Variants in NKAIN2 observed in about 807,000 individuals in gnomAD.
The protein encoded by NKAIN2 is sodium/potassium transporting ATPase interacting 2.
NKAIN2 carries 14 observed loss-of-function variants against 32.6 expected under a neutral mutation model. That is an observed-to-expected ratio of 0.43 (90% CI 0.28 to 0.67). The LOEUF (loss-of-function observed/expected upper bound fraction) is 0.67, where lower values mean the gene tolerates loss of function less well. Ranked by LOEUF, NKAIN2 falls within the 30% of genes least tolerant of loss-of-function variation. The probability of loss-of-function intolerance (pLI) is 0.17; values close to 1 mark genes in which losing one functional copy is unlikely to be tolerated. For missense variants in NKAIN2, 198 were observed against 258.3 expected (o/e 0.77, Z 1.60); for synonymous variants, 80 against 87.2 (o/e 0.92, Z 0.46).
At position 124,546,908 on chromosome 6, in the gene NKAIN2, A is replaced by G. The variant is rs533199669; in HGVS notation, c.274-111278A>G. Among the ~76,000 whole-genome samples the G allele has an allele frequency of 2.6e-5, 4 of 152,340 alleles. No homozygotes were observed. The South Asian group carries it at 8.3e-4, about 32-fold the overall frequency. ...GCCCATTACAAAAGTGTCTGAAAAC[A>G]TGTTCTCAGCATCACAGTCCTGATA... On this transcript the variant is annotated intron_variant, in intron 3 of 6. Coordinates refer to ENST00000368417, the MANE Select transcript of NKAIN2 (RefSeq NM_001040214.3).
intron 4 of NKAIN2, among the ~76,000 whole-genome samples, chr6:124,712,401 G>A (rs1775536149): frequency 8.6e-6 from 1 of 116,344 alleles, no homozygotes; most frequent in Non-Finnish European, 1.8e-5. Flanking sequence ...GCAATGGCGG[G>A]CGCCCCTCCC....
At chr6:124,498,074 G>A (rs1178110715) in intron 3 of NKAIN2, among the ~76,000 whole-genome samples, 1 of 152,112 alleles carries the variant, frequency 6.6e-6, no homozygotes, top group Non-Finnish European at 1.5e-5. Flanking sequence ...GAAGAACAGG[G>A]TGAGTAATAC....
intron 1 of NKAIN2, among the ~76,000 whole-genome samples, chr6:123,963,874 T>C (rs1374166482): frequency 6.6e-6 from 1 of 152,188 alleles, no homozygotes; most frequent in East Asian, 1.9e-4. Context: ...ATATTATGTG[T>C]GGTCGCTACA....
intron 4 of NKAIN2, among the ~76,000 whole-genome samples, chr6:124,691,875 A>G (rs967911729): frequency 7.2e-5 from 11 of 152,198 alleles, no homozygotes; most frequent in Admixed American, 3.9e-4. Context: ...ATACTTTACA[A>G]TATAGTTTTT....
chr6:124,312,134 C>A (rs1796744320), intron 2 of NKAIN2, among the ~76,000 whole-genome samples: 1 of 152,148 alleles, frequency 6.6e-6, no homozygotes, highest in African/African-American at 2.4e-5. Context: ...TAACTCAATG[C>A]TATGCTATGG....
intron 3 of NKAIN2, among the ~76,000 whole-genome samples, chr6:124,503,627 C>G (rs1434526147): frequency 6.6e-6 from 1 of 152,058 alleles, no homozygotes; most frequent in Non-Finnish European, 1.5e-5. Flanking sequence ...TTCTGTTTCT[C>G]TCTTCAAAGA....
chr6:124,113,072 C>T (rs1785456499), intron 1 of NKAIN2, among the ~76,000 whole-genome samples: 1 of 151,946 alleles, frequency 6.6e-6, no homozygotes, highest in Non-Finnish European at 1.5e-5. Flanking sequence ...TAGTCGGATT[C>T]TTCATTTTTC....
At chr6:123,914,773 G>T (rs1006419725) in intron 1 of NKAIN2, among the ~76,000 whole-genome samples, 1 of 152,144 alleles carries the variant, frequency 6.6e-6, no homozygotes, top group Non-Finnish European at 1.5e-5. Context: ...TTATGATACG[G>T]ATAAGAGATG....
At chr6:124,306,453 G>T (rs551199770) in intron 2 of NKAIN2, among the ~76,000 whole-genome samples, 1 of 152,170 alleles carries the variant, frequency 6.6e-6, no homozygotes, top group East Asian at 1.9e-4. Context: ...AACTTCTTAT[G>T]CATAAACTAG....
intron 2 of NKAIN2, among the ~76,000 whole-genome samples, chr6:124,311,713 A>T (rs1371842969): frequency 6.6e-6 from 1 of 152,136 alleles, no homozygotes; most frequent in Admixed American, 6.5e-5. Context: ...CCCATTCTTA[A>T]TTGGTATCGT....
chr6:124,800,475 G>C (rs373748363), intron 5 of NKAIN2, among the ~76,000 whole-genome samples: 1 of 152,342 alleles, frequency 6.6e-6, no homozygotes, highest in African/African-American at 2.4e-5. Context: ...ACTGGTTGGC[G>C]TTGTGTGGCA....
intron 1 of NKAIN2, among the ~76,000 whole-genome samples, chr6:124,032,267 G>C (rs532483268): frequency 1.7e-3 from 202 of 119,556 alleles, no homozygotes; most frequent in African/African-American, 5.9e-3. Flanking sequence ...GTCGTGGGGT[G>C]GGGGGAGGGG....
intron 4 of NKAIN2, among the ~76,000 whole-genome samples, chr6:124,726,354 G>A (rs944779623): frequency 1.3e-5 from 2 of 152,214 alleles, no homozygotes; most frequent in Non-Finnish European, 2.9e-5. Flanking sequence ...CACACAGCTA[G>A]AGATCTGAGA....
chr6:123,881,700 G>T (rs927945806), intron 1 of NKAIN2, among the ~76,000 whole-genome samples: 5 of 152,054 alleles, frequency 3.3e-5, no homozygotes, highest in African/African-American at 1.2e-4. Flanking sequence ...AAAAAAGATG[G>T]GAGTTCAAAG....
At chr6:124,162,485 AC>A (rs1788331437) in intron 1 of NKAIN2, among the ~76,000 whole-genome samples, 1 of 152,128 alleles carries the variant, frequency 6.6e-6, no homozygotes, top group African/African-American at 2.4e-5. Context: ...GAGGGGATGA[AC>A]TATGCATGTG....
intron 1 of NKAIN2, among the ~76,000 whole-genome samples, chr6:124,066,111 A>G (rs1282680809): frequency 1.3e-5 from 2 of 152,148 alleles, no homozygotes; most frequent in Non-Finnish European, 2.9e-5. Flanking sequence ...GTCTCAGGAG[A>G]GACCTGGCTA....
At chr6:124,677,015 C>A (rs1773392750) in intron 4 of NKAIN2, among the ~76,000 whole-genome samples, 1 of 152,108 alleles carries the variant, frequency 6.6e-6, no homozygotes, top group Admixed American at 6.5e-5. Context: ...GTCGCCCAGA[C>A]TGGAGTCCAG....
rs367916923 is a variant in NKAIN2 at position 124,268,522 on chromosome 6, T to C, written c.55-14483T>C. On this transcript the variant is annotated intron_variant, in intron 1 of 6. Transcript: ENST00000368417. ...CAATGGAATATCATGCTGAGCACTA[T>C]GTGAAGTAGAAAAAAAACTCTATTA... Among the ~76,000 whole-genome samples, 95 of 152,184 alleles carry C rather than the reference T, an allele frequency of 6.2e-4. No individual in the cohort carries two copies. In the East Asian group the frequency reaches 0.016, roughly 26 times the overall value.
At chr6:124,161,702 TTGA>T in intron 1 of NKAIN2, among the ~76,000 whole-genome samples, 1 of 152,220 alleles carries the variant, frequency 6.6e-6, no homozygotes, top group Admixed American at 6.5e-5. Context: ...TTAAAATTAT[TTGA>T]TACCACATGT....
Sources: allele counts gnomAD v4.1 joint callset (sites outside exome capture counted in the v4.1 genomes callset), GRCh38; gene constraint gnomAD v4.1.1; transcripts MANE v1.5; gene names NCBI Gene and HGNC (gene_info 2026-07-23, HGNC 2026-07-21).